The following DCAF10 variants were observed in gnomAD, a reference collection of about 807,000 sequenced individuals.
DCAF10 encodes the protein DDB1 and CUL4 associated factor 10, also known as DDB1- and CUL4-associated factor 10.
A neutral mutation model predicts 51.9 loss-of-function variants in DCAF10; 19 were observed. The ratio of observed to expected loss-of-function variants is 0.37; its 90% CI spans 0.26 to 0.54. The LOEUF (loss-of-function observed/expected upper bound fraction) is 0.54, where lower values mean the gene tolerates loss of function less well. Ranked by LOEUF, DCAF10 falls within the 20% of genes least tolerant of loss-of-function variation. The pLI is 0.87. For missense variants in DCAF10, 510 were observed against 730.6 expected (o/e 0.70, Z 3.48); for synonymous variants, 291 against 297.1 (o/e 0.98, Z 0.21).
chr9:37,855,749 C>T lies in DCAF10; in HGVS notation c.1054+767C>T, dbSNP rs1303842686. On this transcript the variant is annotated intron_variant, in intron 4 of 6. Coordinates refer to ENST00000377724, the MANE Select transcript of DCAF10 (RefSeq NM_024345.5). ...TTGGGGCCAGGTGCGGGGGCTCACA[C>T]CTGTAATCCCATCACTTTGGGAGGC... Among the ~76,000 whole-genome samples, 3 of 152,104 alleles carry T rather than the reference C, an allele frequency of 2.0e-5. No homozygotes were observed. In the East Asian group the frequency reaches 5.8e-4, roughly 29 times the overall value.
At chr9:37,848,349 A>G (rs1830535231) in intron 3 of DCAF10, among the ~76,000 whole-genome samples, 1 of 152,220 alleles carries the variant, frequency 6.6e-6, no homozygotes, top group African/African-American at 2.4e-5. Flanking sequence ...AGATAAACAA[A>G]ATGTGGTGGA....
chr9:37,831,245 C>CT (rs1033193732), intron 2 of DCAF10, among the ~76,000 whole-genome samples: 1 of 152,112 alleles, frequency 6.6e-6, no homozygotes, highest in African/African-American at 2.4e-5. Flanking sequence ...GAGTGAAGAT[C>CT]TGAAGAGTCT....
chr9:37,814,925 A>G (rs190787837), intron 1 of DCAF10, among the ~76,000 whole-genome samples: 17 of 152,352 alleles, frequency 1.1e-4, no homozygotes, highest in African/African-American at 3.4e-4. Context: ...CAAAATTACC[A>G]TGCAATTTCG....
At chr9:37,822,808 TA>T (rs913514290) in intron 2 of DCAF10, among the ~76,000 whole-genome samples, 3 of 151,392 alleles carry the variant, frequency 2.0e-5, no homozygotes, top group African/African-American at 7.3e-5. Context: ...AAAATAAAAC[TA>T]AAAAAAAGTC....
intron 3 of DCAF10, among the ~76,000 whole-genome samples, chr9:37,852,337 T>C (rs1830679413): frequency 1.3e-5 from 2 of 152,136 alleles, no homozygotes; most frequent in South Asian, 4.1e-4. Flanking sequence ...TGGCTCATAC[T>C]TATAATCTCA....
chr9:37,855,093 A>G lies in DCAF10; in HGVS notation c.1054+111A>G, dbSNP rs139287048. On this transcript the variant is annotated intron_variant, in intron 4 of 6. Transcript: ENST00000377724. ...GCAGGAAAAGGGAAGACAGTTTTTT[A>G]AAAGGCATTCTTTAGAAAGCTCATT... 1.0e-4 allele frequency: 103 copies of G among 1,000,594 alleles called. No homozygotes were observed. The African/African-American group carries it at 1.3e-3, about 12-fold the overall frequency. 62.0% of individuals were successfully genotyped at this position (1,000,594 alleles called of 1,614,324 possible). A position where few individuals can be genotyped will look rare whatever the true frequency, so the allele number is the denominator to read the frequency against.
chr9:37,802,212 C>T (rs1047155384), intron 1 of DCAF10, among the ~76,000 whole-genome samples: 1 of 152,152 alleles, frequency 6.6e-6, no homozygotes, highest in Non-Finnish European at 1.5e-5. Flanking sequence ...TGAGCACTTG[C>T]TATGTTCCAA....
chr9:37,838,980 T>C (rs1830254018), intron 2 of DCAF10, among the ~76,000 whole-genome samples: 1 of 152,190 alleles, frequency 6.6e-6, no homozygotes, highest in Non-Finnish European at 1.5e-5. Context: ...AATATGTTTT[T>C]GAGATAATAT....
chr9:37,842,348 A>T (rs1297031895), intron 3 of DCAF10, 62 bp downstream of exon 3: 1 of 1,486,316 alleles, frequency 6.7e-7, no homozygotes, highest in East Asian at 2.3e-5. Flanking sequence ...AAGATGGTGA[A>T]CAAATTCAGT....
intron 2 of DCAF10, among the ~76,000 whole-genome samples, chr9:37,824,857 A>G (rs1179453614): frequency 1.3e-5 from 2 of 152,148 alleles, no homozygotes; most frequent in East Asian, 1.9e-4. Context: ...CACATTAATA[A>G]AAGGAAAAGT....
chr9:37,823,909 C>T lies in DCAF10; in HGVS notation c.653+4508C>T, dbSNP rs1829779162. 3.3e-5 allele frequency among the ~76,000 whole-genome samples: 4 copies of T among 121,712 alleles called. 1 individual carries two copies. Among genetic ancestry groups the T allele is most frequent in the Non-Finnish European group, 6.4e-5 (4 of 62,578 alleles). The allele number at this position is 121,712 out of a possible 152,430, so 79.8% of individuals were successfully genotyped here. A position where few individuals can be genotyped will look rare whatever the true frequency, so the allele number is the denominator to read the frequency against. Reference sequence around the variant, plus strand: ...TTTTTTTTTTTTTTTGAGACAGAGTCTCACTATGTTGCCCAGGCTGGAGTG... The same window carrying T: ...TTTTTTTTTTTTTTTGAGACAGAGTTTCACTATGTTGCCCAGGCTGGAGTG... On this transcript the variant is annotated intron_variant, in intron 2 of 6. Coordinates refer to ENST00000377724, the MANE Select transcript of DCAF10 (RefSeq NM_024345.5).
In DCAF10 at chr9:37,863,597, C is replaced by T. The variant is rs969261342; in HGVS notation, c.*2089C>T. ...TCAGGGCAATTTCTACTGTGTTATG[C>T]TGTCTGTTAGAAATAATGACTTATG... On this transcript the variant is annotated 3_prime_UTR_variant, in exon 7 of 7. Coordinates refer to ENST00000377724, the MANE Select transcript of DCAF10 (RefSeq NM_024345.5). The T allele has an allele frequency of 2.6e-5, 4 of 152,236 alleles. No homozygotes were observed. The highest frequency in any genetic ancestry group is 9.6e-5 in the African/African-American group (4 of 41,538). 9.4% of individuals were successfully genotyped at this position (152,236 alleles called of 1,614,324 possible).
chr9:37,850,861 T>C (rs868304731), intron 3 of DCAF10, among the ~76,000 whole-genome samples: 2 of 83,570 alleles, frequency 2.4e-5, no homozygotes, highest in Non-Finnish European at 4.8e-5. Flanking sequence ...TATATATATA[T>C]ATATATATAT....
At chr9:37,806,950 GC>G (rs1829132334) in intron 1 of DCAF10, among the ~76,000 whole-genome samples, 1 of 152,098 alleles carries the variant, frequency 6.6e-6, no homozygotes, top group African/African-American at 2.4e-5. Flanking sequence ...GCTGTTAACT[GC>G]TGTGTTACGT....
chr9:37,810,668 G>A (rs574332471), intron 1 of DCAF10, among the ~76,000 whole-genome samples: 1 of 152,190 alleles, frequency 6.6e-6, no homozygotes, highest in South Asian at 2.1e-4. Context: ...CTCCATGTTG[G>A]TCAGGCTGGT....
chr9:37,867,037 A>C lies in DCAF10; in HGVS notation c.*5529A>C, dbSNP rs1328679416. 4 of 152,212 alleles carry C rather than the reference A, an allele frequency of 2.6e-5. No individual in the cohort carries two copies. Among genetic ancestry groups the C allele is most frequent in the Non-Finnish European group, 5.9e-5 (4 of 68,040 alleles). 9.4% of individuals were successfully genotyped at this position (152,212 alleles called of 1,614,324 possible). ...TCATTATAAAATAAGATTATATGAA[A>C]TTTATATTCTAGAAATGATTCCAAA... On this transcript the variant is annotated 3_prime_UTR_variant, in exon 7 of 7. Transcript: ENST00000377724.
rs118004637 is a variant in DCAF10, at chr9:37,829,796, C to A, written c.653+10395C>A. ...CTGAGGTGGGACAATCACTGGAGGG[C>A]AGGAGTTCAAGACTAGCCTGGGCAA... On this transcript the variant is annotated intron_variant, in intron 2 of 6. Transcript: ENST00000377724. The surrounding 1 kb of genome is among the most constrained non-coding windows in gnomAD (Gnocchi z 4.2). 6.6e-6 allele frequency among the ~76,000 whole-genome samples: 1 copy of A among 152,016 alleles called. No homozygotes were observed. The highest frequency in any genetic ancestry group is 1.5e-5 in the Non-Finnish European group (1 of 68,002).
chr9:37,851,742 C>T (rs529834426), intron 3 of DCAF10, among the ~76,000 whole-genome samples: 2 of 151,046 alleles, frequency 1.3e-5, no homozygotes, highest in Non-Finnish European at 3.0e-5. Flanking sequence ...TTGCAGTGAG[C>T]CAAGATCATG....
Position 37,819,410 on chromosome 9 carries a change from T to C in DCAF10, c.653+9T>C. 1 of 1,602,014 alleles carries C rather than the reference T, an allele frequency of 6.2e-7. No individual in the cohort carries two copies. The highest frequency in any genetic ancestry group is 1.1e-5 in the South Asian group (1 of 89,478). ...TGTGTAAATAATATCAGGTTAGTAT[T>C]ATAGTGAAAAAGTGAACTTTATCAG... is the stretch of plus-strand genomic sequence containing the variant. On this transcript the variant is annotated intron_variant, in intron 2 of 6. Coordinates refer to ENST00000377724, the MANE Select transcript of DCAF10 (RefSeq NM_024345.5).
Sources: gnomAD v4.1 joint callset for allele counts (sites outside exome capture counted in the v4.1 genomes callset) on GRCh38, gnomAD v4.1.1 for gene constraint, Gnocchi (gnomAD v3.1) non-coding constraint, MANE v1.5 for transcripts, NCBI Gene and HGNC (gene_info 2026-07-23, HGNC 2026-07-21) for gene names.